The following MBOAT2 variants were observed in gnomAD, a reference collection of about 807,000 sequenced individuals.
The protein encoded by MBOAT2 is membrane bound glycerophospholipid O-acyltransferase 2.
In MBOAT2, 28 loss-of-function variants were observed where a neutral mutation model predicts 63.4. That is an observed-to-expected ratio of 0.44 (90% confidence interval 0.33 to 0.61). The LOEUF is 0.61. MBOAT2 is among the 20% of genes least tolerant of loss of function. MBOAT2 has a pLI of 0.03. For missense variants in MBOAT2, 470 were observed against 605.8 expected (o/e 0.78, Z 2.35); for synonymous variants, 211 against 215.6 (o/e 0.98, Z 0.19).
intron 1 of MBOAT2, among the ~76,000 whole-genome samples, chr2:8,985,693 C>T (rs1004925703): frequency 1.2e-4 from 19 of 152,076 alleles, no homozygotes; most frequent in African/African-American, 4.6e-4. Context: ...TAAGTCATAT[C>T]AGTTCTACCT....
intron 1 of MBOAT2, among the ~76,000 whole-genome samples, chr2:8,971,740 C>T (rs1670472207): frequency 1.3e-5 from 2 of 152,076 alleles, no homozygotes; most frequent in African/African-American, 4.8e-5. Context: ...AACAGAGAGC[C>T]AAATCATGAG....
intron 1 of MBOAT2, among the ~76,000 whole-genome samples, chr2:8,974,077 A>C (rs1670651105): frequency 6.6e-6 from 1 of 152,206 alleles, no homozygotes; most frequent in Admixed American, 6.5e-5. Flanking sequence ...CCAAGTACTA[A>C]GATGAAATGA....
chr2:8,858,647 A>G lies in MBOAT2; in HGVS notation c.*32T>C. ...CTAAGATTGGTTTCTGTTAACATCA[A>G]AAAAAAAAAACAGCCCTCAGAGCCT... On this transcript the variant is annotated 3_prime_UTR_variant, in exon 13 of 13. Coordinates refer to ENST00000305997, the MANE Select transcript of MBOAT2 (RefSeq NM_138799.4). 1 of 1,309,838 alleles carries G rather than the reference A, an allele frequency of 7.6e-7. No individual in the cohort carries two copies. Among genetic ancestry groups the G allele is most frequent in the Non-Finnish European group, 1.0e-6 (1 of 978,632 alleles). The allele number at this position is 1,309,838 out of a possible 1,614,324, so 81.1% of individuals were successfully genotyped here.
intron 1 of MBOAT2, among the ~76,000 whole-genome samples, chr2:8,969,479 C>G (rs1670278643): frequency 6.6e-6 from 1 of 152,162 alleles, no homozygotes; most frequent in South Asian, 2.1e-4. Context: ...AGCAAAATAA[C>G]CAGCTAACAT....
chr2:8,888,336 G>A (rs1349644840), intron 4 of MBOAT2, among the ~76,000 whole-genome samples: 1 of 152,190 alleles, frequency 6.6e-6, no homozygotes, highest in Non-Finnish European at 1.5e-5. Context: ...GAAATCTCCA[G>A]TGACCCAGTG....
rs755258037 is a variant in MBOAT2 at position 8,877,063 on chromosome 2, C to T, written c.657G>A (p.Glu219=). Residue 219 remains glutamate (E), a synonymous_variant, in exon 7 of 13, where the codon GAG becomes GAA. Coordinates refer to ENST00000305997, the MANE Select transcript of MBOAT2 (RefSeq NM_138799.4). ...ITQSGENGKE[E]TQYERTEPSP... ...ATGGCTCTGTTCTTTCATACTGTGT[C>T]TCTTCTTTTCCATTTTCACCAGATT... 2.5e-5 allele frequency: 40 copies of T among 1,613,208 alleles called. 1 individual carries two copies. In the South Asian group the frequency reaches 3.5e-4, roughly 14 times the overall value.
intron 1 of MBOAT2, among the ~76,000 whole-genome samples, chr2:9,001,188 A>G (rs1672661858): frequency 6.6e-6 from 1 of 152,114 alleles, no homozygotes; most frequent in African/African-American, 2.4e-5. Context: ...GCTGTTCCAC[A>G]GTTAATTTTT....
intron 9 of MBOAT2, among the ~76,000 whole-genome samples, chr2:8,864,726 T>A (rs2148511739): frequency 6.6e-6 from 1 of 152,208 alleles, no homozygotes; most frequent in East Asian, 1.9e-4. Flanking sequence ...AAAGAGTGGA[T>A]CTGCACACCC....
intron 1 of MBOAT2, among the ~76,000 whole-genome samples, chr2:8,981,913 A>T (rs1671220718): frequency 1.3e-5 from 2 of 152,208 alleles, no homozygotes; most frequent in Non-Finnish European, 2.9e-5. Flanking sequence ...ATAAAAAGAC[A>T]TATGAAACAT....
chr2:8,984,860 A>G (rs1334656725), intron 1 of MBOAT2, among the ~76,000 whole-genome samples: 1 of 151,346 alleles, frequency 6.6e-6, no homozygotes, highest in Non-Finnish European at 1.5e-5. Context: ...CCCTATCTTC[A>G]TTACCAAAAC....
intron 3 of MBOAT2, among the ~76,000 whole-genome samples, chr2:8,937,721 G>A (rs910411112): frequency 2.0e-5 from 3 of 152,186 alleles, no homozygotes; most frequent in Non-Finnish European, 2.9e-5. Flanking sequence ...CGCAGTCATG[G>A]AGAACAAGGC....
At chr2:8,927,962 A>C (rs578216340) in intron 3 of MBOAT2, among the ~76,000 whole-genome samples, 1 of 152,176 alleles carries the variant, frequency 6.6e-6, no homozygotes, top group African/African-American at 2.4e-5. Context: ...GCTTCTGGGG[A>C]GGTCTCGGGA....
intron 2 of MBOAT2, among the ~76,000 whole-genome samples, chr2:8,945,747 A>G (rs1209581858): frequency 6.6e-6 from 1 of 152,156 alleles, no homozygotes; most frequent in Non-Finnish European, 1.5e-5. Context: ...TTTGTCACAA[A>G]ACGTTAGTTT....
chr2:8,886,921 T>C (rs1663599549), intron 5 of MBOAT2, among the ~76,000 whole-genome samples: 1 of 152,218 alleles, frequency 6.6e-6, no homozygotes, highest in Non-Finnish European at 1.5e-5. Context: ...AACTACAGTC[T>C]AGTAACAGGG....
intron 3 of MBOAT2, among the ~76,000 whole-genome samples, chr2:8,925,862 T>C (rs539887158): frequency 6.6e-6 from 1 of 152,350 alleles, no homozygotes; most frequent in South Asian, 2.1e-4. Flanking sequence ...GTAAACCTTT[T>C]TAGTGGTACA....
chr2:8,949,510 T>C (rs1668661351), intron 2 of MBOAT2, among the ~76,000 whole-genome samples: 1 of 152,120 alleles, frequency 6.6e-6, no homozygotes, highest in Admixed American at 6.5e-5. Flanking sequence ...CTTGAGTTAA[T>C]TTTTGTACAT....
At chr2:8,946,000 T>C (rs1558644314) in intron 2 of MBOAT2, among the ~76,000 whole-genome samples, 1 of 152,144 alleles carries the variant, frequency 6.6e-6, no homozygotes. Flanking sequence ...AAGACAATAA[T>C]AAATAGATTA....
At chr2:8,986,628 C>CTGAA (rs1463582100) in intron 1 of MBOAT2, among the ~76,000 whole-genome samples, 2 of 151,976 alleles carry the variant, frequency 1.3e-5, no homozygotes, top group African/African-American at 4.8e-5. Context: ...ACTCTATAGA[C>CTGAA]TGAATGTCTG....
intron 1 of MBOAT2, among the ~76,000 whole-genome samples, chr2:8,975,966 C>T (rs994421711): frequency 1.3e-5 from 2 of 152,098 alleles, no homozygotes; most frequent in African/African-American, 4.8e-5. Flanking sequence ...ACCAAATACA[C>T]TGGGTTCAGC....
Sources: gnomAD v4.1 joint callset for allele counts (sites outside exome capture counted in the v4.1 genomes callset) on GRCh38, gnomAD v4.1.1 for gene constraint, MANE v1.5 for transcripts, NCBI Gene and HGNC (gene_info 2026-07-23, HGNC 2026-07-21) for gene names.